ASH1L: variants seen among roughly 807,000 people sequenced by gnomAD.
ASH1L encodes histone-lysine N-methyltransferase ASH1L.
In ASH1L, 23 loss-of-function variants were observed where a neutral mutation model predicts 269.0. That is an observed-to-expected ratio of 0.09 (90% CI 0.06 to 0.12). ASH1L has a LOEUF of 0.12. ASH1L is among the 10% of genes least tolerant of loss of function. ASH1L has a pLI of 1.00. For synonymous variants in ASH1L, 1,187 were observed against 1,253.5 expected (o/e 0.95, Z 1.12); for missense variants, 2,912 against 3,567.8 (o/e 0.82, Z 4.68).
chr1:155,528,639 G>A (rs1669436055), intron 1 of ASH1L, among the ~76,000 whole-genome samples: 1 of 152,106 alleles, frequency 6.6e-6, no homozygotes, highest in South Asian at 2.1e-4. Context: ...TTGAGTAGAT[G>A]AAGTTCCTCC....
At chr1:155,436,585 C>T (rs1342336939) in intron 5 of ASH1L, among the ~76,000 whole-genome samples, 2 of 150,434 alleles carry the variant, frequency 1.3e-5, no homozygotes, top group Non-Finnish European at 3.0e-5. Context: ...CAACCTCCGC[C>T]TCCTGGGTTC....
chr1:155,402,392 C>T (rs1658931250), intron 6 of ASH1L, among the ~76,000 whole-genome samples: 1 of 151,880 alleles, frequency 6.6e-6, no homozygotes, highest in African/African-American at 2.4e-5. Flanking sequence ...GAATACGGCA[C>T]TTTTAGATAA....
intron 12 of ASH1L, among the ~76,000 whole-genome samples, chr1:155,369,970 T>C (rs1655791182): frequency 6.6e-6 from 1 of 152,206 alleles, no homozygotes; most frequent in African/African-American, 2.4e-5. Flanking sequence ...GGTTTCACCA[T>C]GTTGGTCAGG....
At chr1:155,435,604 C>A (rs1452445386) in intron 5 of ASH1L, among the ~76,000 whole-genome samples, 1 of 148,148 alleles carries the variant, frequency 6.8e-6, no homozygotes, top group Non-Finnish European at 1.5e-5. Context: ...TAGAAAAAAG[C>A]AATTATTTTT....
At chr1:155,543,182 G>A (rs1354367641) in intron 1 of ASH1L, among the ~76,000 whole-genome samples, 3 of 151,940 alleles carry the variant, frequency 2.0e-5, no homozygotes, top group Admixed American at 1.3e-4. Flanking sequence ...TGGATTAGTG[G>A]CAGTCCTGTG....
intron 2 of ASH1L, among the ~76,000 whole-genome samples, chr1:155,485,357 C>G (rs965186642): frequency 4.0e-5 from 6 of 151,450 alleles, no homozygotes; most frequent in African/African-American, 1.5e-4. Context: ...CTTGCTCTGT[C>G]ACCCAGGCTG....
At chr1:155,373,643 C>G (rs1376890806) in intron 10 of ASH1L, among the ~76,000 whole-genome samples, 1 of 151,930 alleles carries the variant, frequency 6.6e-6, no homozygotes, top group Non-Finnish European at 1.5e-5. Flanking sequence ...GGTTTGAAAT[C>G]TCATCTAGGC....
intron 2 of ASH1L, among the ~76,000 whole-genome samples, chr1:155,495,536 G>C (rs113938093): frequency 6.6e-5 from 10 of 152,188 alleles, no homozygotes; most frequent in African/African-American, 2.4e-4. Context: ...CACCTGTATA[G>C]GGTACTTATC....
intron 10 of ASH1L, 71 bp downstream of exon 10, chr1:155,378,210 T>C: frequency 8.4e-6 from 10 of 1,193,236 alleles, no homozygotes; most frequent in Non-Finnish European, 1.2e-5. Context: ...TATTTAACTG[T>C]ACCCTCCAAA....
intron 1 of ASH1L, among the ~76,000 whole-genome samples, chr1:155,522,586 T>C (rs2148846902): frequency 6.6e-6 from 1 of 152,274 alleles, no homozygotes; most frequent in Admixed American, 6.5e-5. Context: ...TTACAATAGG[T>C]GATACACCTA....
At chr1:155,449,689 T>C (rs1248657923) in intron 4 of ASH1L, among the ~76,000 whole-genome samples, 1 of 152,050 alleles carries the variant, frequency 6.6e-6, no homozygotes, top group Non-Finnish European at 1.5e-5. Context: ...CTGGCTACTT[T>C]TTTGTATTTT....
chr1:155,448,127 G>T (rs774716665), intron 4 of ASH1L, among the ~76,000 whole-genome samples: 61 of 152,092 alleles, frequency 4.0e-4, no homozygotes, highest in Admixed American at 1.1e-3. Flanking sequence ...TTATGCTCTT[G>T]GGACCTTTGT....
intron 7 of ASH1L, among the ~76,000 whole-genome samples, chr1:155,388,427 ACCACAGGT>A (rs1420961321): frequency 1.3e-5 from 2 of 150,732 alleles, no homozygotes; most frequent in Non-Finnish European, 3.0e-5. Context: ...AAGTAGCTGG[ACCACAGGT>A]GCATGTCACC....
intron 4 of ASH1L, among the ~76,000 whole-genome samples, chr1:155,441,370 A>G (rs1662548582): frequency 6.6e-6 from 1 of 151,168 alleles, no homozygotes; most frequent in Non-Finnish European, 1.5e-5. Context: ...AGCCCAAGCA[A>G]TGAGTTGGCA....
chr1:155,345,015 G>A (rs921389791), intron 21 of ASH1L, among the ~76,000 whole-genome samples: 4 of 151,796 alleles, frequency 2.6e-5, no homozygotes, highest in African/African-American at 4.8e-5. Context: ...GGGGTGCAGT[G>A]GTGCGATCTC....
intron 2 of ASH1L, among the ~76,000 whole-genome samples, chr1:155,487,480 A>C (rs1570959256): frequency 6.6e-6 from 1 of 151,840 alleles, no homozygotes; most frequent in African/African-American, 2.4e-5. Context: ...TGATCCTCCC[A>C]CCTCAGCCTC....
chr1:155,547,681 A>ATGT (rs1320209595), intron 1 of ASH1L, among the ~76,000 whole-genome samples: 1 of 151,818 alleles, frequency 6.6e-6, no homozygotes, highest in East Asian at 1.9e-4. Context: ...TGAGATCATG[A>ATGT]TGTTGCACTC....
At chr1:155,460,113 TCTC>T (rs1170524259) in intron 3 of ASH1L, among the ~76,000 whole-genome samples, 1 of 152,184 alleles carries the variant, frequency 6.6e-6, no homozygotes, top group Non-Finnish European at 1.5e-5. Context: ...ATACATAAGT[TCTC>T]CTGTTACATT....
intron 1 of ASH1L, among the ~76,000 whole-genome samples, chr1:155,553,598 G>A (rs1393706884): frequency 2.0e-5 from 3 of 152,120 alleles, no homozygotes; most frequent in Non-Finnish European, 2.9e-5. Flanking sequence ...AAGTCTGAAT[G>A]TCTCACACTT....
Sources: gnomAD v4.1 joint callset for allele counts (sites outside exome capture counted in the v4.1 genomes callset) on GRCh38, gnomAD v4.1.1 for gene constraint, MANE v1.5 for transcripts, NCBI Gene and HGNC (gene_info 2026-07-23, HGNC 2026-07-21) for gene names.